The following LRP1B variants were observed in gnomAD, a reference collection of about 807,000 sequenced individuals.
LRP1B encodes LDL receptor related protein 1B.
A neutral mutation model predicts 556.6 loss-of-function variants in LRP1B; 217 were observed. That is an observed-to-expected ratio of 0.39 (90% CI 0.35 to 0.44). The LOEUF is 0.44. Ranked by LOEUF, LRP1B falls within the 20% of genes least tolerant of loss-of-function variation. The pLI is 1.00. For missense variants in LRP1B, 5,053 were observed against 5,620.8 expected, an observed-to-expected ratio of 0.90 and a Z score of 3.23; for synonymous variants, 2,047 against 1,865.8, an observed-to-expected ratio of 1.10 and a Z score of -2.50.
chr2:140,679,620 C>T (rs779918667), intron 41 of LRP1B, among the ~76,000 whole-genome samples: 9 of 152,178 alleles, frequency 5.9e-5, no homozygotes, highest in Non-Finnish European at 1.3e-4. Flanking sequence ...GTAACTTGGT[C>T]AGAATGTGGT....
chr2:140,841,854 A>C (rs1692115118), intron 29 of LRP1B, among the ~76,000 whole-genome samples: 1 of 152,212 alleles, frequency 6.6e-6, no homozygotes, highest in African/African-American at 2.4e-5. Flanking sequence ...ATAAAGGATA[A>C]ATGCAGAAAA....
intron 7 of LRP1B, among the ~76,000 whole-genome samples, chr2:141,105,155 A>G (rs1376913976): frequency 2.0e-5 from 3 of 152,112 alleles, no homozygotes; most frequent in Admixed American, 6.6e-5. Flanking sequence ...TATAGCTGGG[A>G]TGAAGACAAT....
chr2:140,557,331 A>G (rs1680769930), intron 43 of LRP1B, among the ~76,000 whole-genome samples: 1 of 152,172 alleles, frequency 6.6e-6, no homozygotes, highest in Non-Finnish European at 1.5e-5. Flanking sequence ...TTTAAAATTA[A>G]ATATATGCTT....
intron 2 of LRP1B, among the ~76,000 whole-genome samples, chr2:141,599,000 T>C (rs1292834850): frequency 1.4e-5 from 2 of 138,338 alleles, no homozygotes; most frequent in Non-Finnish European, 3.0e-5. Flanking sequence ...AAGCCAAGTC[T>C]ATAAAAAAAT....
rs759873349 is a variant in LRP1B, at chr2:140,321,959, C to T, written c.12640+4G>A. 2 of 1,609,868 alleles carry T rather than the reference C, an allele frequency of 1.2e-6. No homozygotes were observed. Among genetic ancestry groups the T allele is most frequent in the South Asian group, 2.2e-5 (2 of 90,582 alleles). ...TTATTTACAGAATAATAAAGTATACCCACCTAACAGGCTGTCATCATTGCA... is the reference window on the plus strand; with the variant it reads ...TTATTTACAGAATAATAAAGTATACTCACCTAACAGGCTGTCATCATTGCA... On this transcript the variant is annotated splice_donor_region_variant and intron_variant, in intron 82 of 90. Coordinates refer to ENST00000389484, the MANE Select transcript of LRP1B (RefSeq NM_018557.3).
intron 41 of LRP1B, among the ~76,000 whole-genome samples, chr2:140,658,437 A>G (rs771363195): frequency 1.3e-4 from 20 of 152,042 alleles, no homozygotes; most frequent in Non-Finnish European, 1.3e-4. Context: ...CAATTAAACA[A>G]TCTTTGGCAA....
chr2:141,322,355 A>G (rs1461177058), intron 3 of LRP1B, among the ~76,000 whole-genome samples: 1 of 152,092 alleles, frequency 6.6e-6, no homozygotes, highest in Non-Finnish European at 1.5e-5. Flanking sequence ...TAAGAGGAGC[A>G]ATAGAAAATC....
At chr2:141,339,666 G>T (rs1687982929) in intron 3 of LRP1B, among the ~76,000 whole-genome samples, 1 of 152,102 alleles carries the variant, frequency 6.6e-6, no homozygotes, top group African/African-American at 2.4e-5. Context: ...ACCAGTCTCA[G>T]TTTGAATGTG....
In LRP1B at chr2:140,951,857, T is replaced by C. The variant is rs761721714; in HGVS notation, c.2968+3A>G. 1 of 1,611,670 alleles carries C rather than the reference T, an allele frequency of 6.2e-7. No individual in the cohort carries two copies. Among genetic ancestry groups the C allele is most frequent in the Admixed American group, 1.7e-5 (1 of 60,010 alleles). ...TGCTATACAGTGAGCATTTGGTACT[T>C]GCCAGAGTCGCAGTGCCATTTGCTG... On this transcript the variant is annotated splice_donor_region_variant and intron_variant, in intron 19 of 90. Transcript: ENST00000389484.
intron 2 of LRP1B, among the ~76,000 whole-genome samples, chr2:141,582,827 CTTTTTT>C (rs869158175): frequency 1.4e-4 from 10 of 71,750 alleles, no homozygotes; most frequent in African/African-American, 3.2e-4. Flanking sequence ...ACCTATTAAA[CTTTTTT>C]TTTTTTTTTT....
chr2:140,488,136 T>A (rs148001730), intron 57 of LRP1B, among the ~76,000 whole-genome samples: 8 of 152,052 alleles, frequency 5.3e-5, no homozygotes, highest in African/African-American at 1.7e-4. Context: ...AAAAAGCATA[T>A]ATCTAAATTG....
At chr2:141,014,739 T>G (rs1223285153) in intron 13 of LRP1B, among the ~76,000 whole-genome samples, 1 of 152,100 alleles carries the variant, frequency 6.6e-6, no homozygotes, top group East Asian at 1.9e-4. Context: ...AGTATTATGT[T>G]TATTGTTTAC....
intron 41 of LRP1B, among the ~76,000 whole-genome samples, chr2:140,698,553 C>T (rs1049154983): frequency 6.6e-6 from 1 of 152,062 alleles, no homozygotes; most frequent in African/African-American, 2.4e-5. Context: ...CAGCTGGATT[C>T]TCCTATCTGC....
intron 3 of LRP1B, among the ~76,000 whole-genome samples, chr2:141,443,934 A>G (rs1681082691): frequency 6.6e-6 from 1 of 151,988 alleles, no homozygotes; most frequent in Admixed American, 6.6e-5. Context: ...TTCCCTATAA[A>G]ATTTAAAGTA....
At chr2:141,826,462 C>G (rs994243661) in intron 1 of LRP1B, among the ~76,000 whole-genome samples, 1 of 151,050 alleles carries the variant, frequency 6.6e-6, no homozygotes, top group Middle Eastern at 3.5e-3. Flanking sequence ...TGGGTTCACG[C>G]CATTCTCCTG....
At chr2:141,389,499 A>C (rs961239158) in intron 3 of LRP1B, among the ~76,000 whole-genome samples, 1 of 152,146 alleles carries the variant, frequency 6.6e-6, no homozygotes, top group African/African-American at 2.4e-5. Context: ...AAACATAGGG[A>C]GAGCTAAAAT....
intron 86 of LRP1B, among the ~76,000 whole-genome samples, chr2:140,269,711 C>T (rs1474088716): frequency 6.6e-6 from 1 of 151,884 alleles, no homozygotes; most frequent in Admixed American, 6.6e-5. Flanking sequence ...CAGATTTTCT[C>T]AGGAGTACTG....
At chr2:140,554,484 C>G (rs1036486816) in intron 43 of LRP1B, among the ~76,000 whole-genome samples, 1 of 151,976 alleles carries the variant, frequency 6.6e-6, no homozygotes, top group African/African-American at 2.4e-5. Context: ...ACTTTGAATT[C>G]CTTTCAGACA....
intron 3 of LRP1B, among the ~76,000 whole-genome samples, chr2:141,365,101 T>C (rs1034814295): frequency 6.6e-6 from 1 of 152,230 alleles, no homozygotes; most frequent in Non-Finnish European, 1.5e-5. Context: ...TAAACCCATG[T>C]AATATGAACC....
Sources: gnomAD v4.1 joint callset for allele counts (sites outside exome capture counted in the v4.1 genomes callset) on GRCh38, gnomAD v4.1.1 for gene constraint, MANE v1.5 for transcripts, NCBI Gene and HGNC (gene_info 2026-07-23, HGNC 2026-07-21) for gene names.